DMXL1: variants seen among roughly 807,000 people sequenced by gnomAD.
The protein encoded by DMXL1 is dmX-like protein 1.
DMXL1 carries 99 observed loss-of-function variants against 319.2 expected under a neutral mutation model. That is an observed-to-expected ratio of 0.31 (90% CI 0.26 to 0.37). The LOEUF (loss-of-function observed/expected upper bound fraction) is 0.37, where lower values mean the gene tolerates loss of function less well. Ranked by LOEUF, DMXL1 falls within the 10% of genes least tolerant of loss-of-function variation. DMXL1 has a pLI of 1.00. For synonymous variants in DMXL1, 1,385 were observed against 1,235.2 expected (o/e 1.12, Z -2.54); for missense variants, 3,745 against 3,595.6 (o/e 1.04, Z -1.06).
At chr5:119,195,579 G>T (rs920520987) in intron 30 of DMXL1, among the ~76,000 whole-genome samples, 6 of 152,156 alleles carry the variant, frequency 3.9e-5, no homozygotes, top group African/African-American at 7.2e-5. Flanking sequence ...GGCTGGTGGT[G>T]GGGGGAGAAT....
chr5:119,185,110 C>T (rs1777476663), intron 28 of DMXL1, among the ~76,000 whole-genome samples: 1 of 152,074 alleles, frequency 6.6e-6, no homozygotes, highest in Non-Finnish European at 1.5e-5. Flanking sequence ...CCCCTTCTTT[C>T]CTCTGCTTTC....
At chr5:119,110,783 A>G (rs186908238) in intron 5 of DMXL1, among the ~76,000 whole-genome samples, 1 of 152,312 alleles carries the variant, frequency 6.6e-6, no homozygotes, top group Admixed American at 6.5e-5. Flanking sequence ...GCCACAGATG[A>G]TCAAGCATTT....
chr5:119,083,477 G>A (rs1267961863), intron 1 of DMXL1, among the ~76,000 whole-genome samples: 2 of 152,106 alleles, frequency 1.3e-5, no homozygotes, highest in African/African-American at 4.8e-5. Flanking sequence ...TTGATGTACT[G>A]AATTTCATTC....
intron 29 of DMXL1, among the ~76,000 whole-genome samples, chr5:119,190,291 T>C (rs753207008): frequency 6.6e-6 from 1 of 152,226 alleles, no homozygotes; most frequent in African/African-American, 2.4e-5. Flanking sequence ...AAATTTCAAT[T>C]ACCAGTGTTA....
Position 119,237,442 on chromosome 5 carries a change from A to G in DMXL1, c.8559+28A>G. On this transcript the variant is annotated intron_variant, in intron 40 of 43. Transcript: ENST00000539542. ...AAGCCAAGAATTTCTACCTTTAAAT[A>G]AAATTTGAATTTTCATTTTAAATAA... 3 of 1,408,368 alleles carry G rather than the reference A, an allele frequency of 2.1e-6. No individual in the cohort carries two copies. The East Asian group carries it at 6.9e-5, about 32-fold the overall frequency. The allele number at this position is 1,408,368 out of a possible 1,614,324, so 87.2% of individuals were successfully genotyped here.
At chr5:119,118,406 GAGATTGTGGCTT>G (rs1344115811) in intron 7 of DMXL1, among the ~76,000 whole-genome samples, 42 of 152,162 alleles carry the variant, frequency 2.8e-4, no homozygotes, top group African/African-American at 7.5e-4. Context: ...TGTCAACTGA[GAGATTGTGGCTT>G]AATCTCAGTC....
intron 37 of DMXL1, among the ~76,000 whole-genome samples, chr5:119,223,927 T>G (rs1484059564): frequency 2.6e-5 from 4 of 152,142 alleles, no homozygotes. Flanking sequence ...AATATTTTCT[T>G]TATCCTTTCA....
At chr5:119,106,774 A>T (rs189659726) in intron 4 of DMXL1, among the ~76,000 whole-genome samples, 1 of 152,246 alleles carries the variant, frequency 6.6e-6, no homozygotes, top group Non-Finnish European at 1.5e-5. Flanking sequence ...ACTTATTTCA[A>T]TGCCTTTTCC....
rs1302756944 is a variant in DMXL1, at chr5:119,189,688, T to C, written c.7136-20T>C. 3.1e-6 allele frequency: 5 copies of C among 1,609,998 alleles called. No individual in the cohort carries two copies. Among genetic ancestry groups the C allele is most frequent in the African/African-American group, 2.7e-5 (2 of 74,788 alleles). On this transcript the variant is annotated intron_variant, in intron 28 of 43. Coordinates refer to ENST00000539542, the MANE Select transcript of DMXL1 (RefSeq NM_001290321.3). The stretch of plus-strand genomic sequence containing the variant: ...CAATGAAAATAGTACTTCAGTAACA[T>C]TTTATTTTCTTTTTGTTAGTTTCTT...
intron 43 of DMXL1, among the ~76,000 whole-genome samples, chr5:119,244,971 A>G (rs977510907): frequency 6.6e-6 from 1 of 152,218 alleles, no homozygotes; most frequent in Admixed American, 6.5e-5. Context: ...CTAGTCCCTC[A>G]GTGCCTAATT....
At chr5:119,089,856 C>A (rs1401285243) in intron 1 of DMXL1, among the ~76,000 whole-genome samples, 1 of 151,560 alleles carries the variant, frequency 6.6e-6, no homozygotes, top group African/African-American at 2.4e-5. Flanking sequence ...GAACTCCACA[C>A]CTCAGGTGAT....
Position 119,082,873 on chromosome 5 carries a change from A to G in DMXL1, c.87+11217A>G, listed in dbSNP as rs138787557. 3.9e-3 allele frequency among the ~76,000 whole-genome samples: 594 copies of G among 152,034 alleles called. 9 individuals carry two copies. Among genetic ancestry groups the G allele is most frequent in the South Asian group, 0.026 (127 of 4,800 alleles). The stretch of plus-strand genomic sequence containing the variant: ...CAACTTCTCTTCATCGTCTCCCCCA[A>G]CCTCCTTAGCCCTCTGGTAACCATC... On this transcript the variant is annotated intron_variant, in intron 1 of 43. Coordinates refer to ENST00000539542, the MANE Select transcript of DMXL1 (RefSeq NM_001290321.3).
intron 1 of DMXL1, among the ~76,000 whole-genome samples, chr5:119,085,449 G>C (rs900870043): frequency 6.6e-6 from 1 of 151,908 alleles, no homozygotes; most frequent in African/African-American, 2.4e-5. Flanking sequence ...TTGTAAGATT[G>C]CTCGCCATTG....
chr5:119,101,404 G>A (rs1248443758), intron 2 of DMXL1, among the ~76,000 whole-genome samples: 2 of 151,932 alleles, frequency 1.3e-5, no homozygotes, highest in East Asian at 1.9e-4. Flanking sequence ...AGTTATAGTA[G>A]TAGTTACCTT....
chr5:119,110,365 A>T, intron 5 of DMXL1, 82 bp downstream of exon 5: 1 of 1,245,494 alleles, frequency 8.0e-7, no homozygotes, highest in Non-Finnish European at 1.1e-6. Context: ...GTTGTGTAAA[A>T]CCACACTGAC....
chr5:119,178,456 C>T (rs143914503), intron 28 of DMXL1: 76 of 388,196 alleles, frequency 2.0e-4, no homozygotes, highest in African/African-American at 1.4e-3. Context: ...ATAATTAGAA[C>T]GATCTTATGT....
In DMXL1 at chr5:119,143,737, C is replaced by T. The variant is rs972019792; in HGVS notation, c.2377-104C>T. The T allele has an allele frequency of 1.0e-5, 7 of 694,436 alleles. No individual in the cohort carries two copies. The East Asian group carries it at 1.6e-4, about 15-fold the overall frequency. 43.0% of individuals were successfully genotyped at this position (694,436 alleles called of 1,614,324 possible). On this transcript the variant is annotated intron_variant, in intron 13 of 43. Coordinates refer to ENST00000539542, the MANE Select transcript of DMXL1 (RefSeq NM_001290321.3). ...TTGAAAGGGACTATATTTAGGCCCACTTGAATTTTATTGTTATTTATCTGT... is the reference window on the plus strand; with the variant it reads ...TTGAAAGGGACTATATTTAGGCCCATTTGAATTTTATTGTTATTTATCTGT...
intron 9 of DMXL1, among the ~76,000 whole-genome samples, chr5:119,124,894 T>G (rs1331634444): frequency 6.6e-6 from 1 of 152,160 alleles, no homozygotes; most frequent in Non-Finnish European, 1.5e-5. Flanking sequence ...GTGGATCAGT[T>G]TAAAATTTGC....
intron 34 of DMXL1, among the ~76,000 whole-genome samples, chr5:119,209,650 G>A (rs970910057): frequency 3.9e-5 from 6 of 152,058 alleles, no homozygotes; most frequent in African/African-American, 1.4e-4. Context: ...GCCCAGCCTT[G>A]CATCACATTC....
Sources: allele counts gnomAD v4.1 joint callset (sites outside exome capture counted in the v4.1 genomes callset), GRCh38; gene constraint gnomAD v4.1.1; transcripts MANE v1.5; gene names NCBI Gene and HGNC (gene_info 2026-07-23, HGNC 2026-07-21).